Variants in CSMD1 observed in about 807,000 individuals in gnomAD.
The protein encoded by CSMD1 is CUB and sushi domain-containing protein 1.
A neutral mutation model predicts 417.5 loss-of-function variants in CSMD1; 213 were observed. That is an observed-to-expected ratio of 0.51 (90% CI 0.46 to 0.57). CSMD1 has a LOEUF of 0.57. CSMD1 is among the 20% of genes least tolerant of loss of function. The pLI is 0.00. For synonymous variants in CSMD1, 2,862 were observed against 1,736.8 expected (o/e 1.65, Z -16.11); for missense variants, 6,923 against 4,529.7 (o/e 1.53, Z -15.17).
chr8:4,290,494 A>G (rs1180691107), intron 3 of CSMD1, among the ~76,000 whole-genome samples: 2 of 152,164 alleles, frequency 1.3e-5, no homozygotes, highest in African/African-American at 4.8e-5. Context: ...CTTTCATAGC[A>G]TGAGAAAAAA....
intron 1 of CSMD1, among the ~76,000 whole-genome samples, chr8:4,931,898 C>CA (rs1379076043): frequency 6.6e-6 from 1 of 152,122 alleles, no homozygotes; most frequent in Admixed American, 6.6e-5. Flanking sequence ...GAGATATGTA[C>CA]TTTAGAAATG....
chr8:4,940,502 C>T (rs1005606362), intron 1 of CSMD1, among the ~76,000 whole-genome samples: 1 of 152,122 alleles, frequency 6.6e-6, no homozygotes, highest in African/African-American at 2.4e-5. Context: ...GTTTGCTAAC[C>T]TAGGCACTTG....
Position 3,210,873 on chromosome 8 carries a change from C to G in CSMD1, c.4867+3624G>C, listed in dbSNP as rs1797564047. ...AAATGCCTTTTGTATTATTAGTTAA[C>G]AAAAGTACAGAATTCATGACCTTTC... On this transcript the variant is annotated intron_variant, in intron 30 of 69. Coordinates refer to ENST00000635120, the MANE Select transcript of CSMD1 (RefSeq NM_033225.6). 2.0e-5 allele frequency among the ~76,000 whole-genome samples: 3 copies of G among 151,864 alleles called. 1 individual carries two copies. The South Asian group carries it at 6.2e-4, about 31-fold the overall frequency.
At chr8:4,485,901 T>C (rs1320262160) in intron 2 of CSMD1, among the ~76,000 whole-genome samples, 1 of 151,970 alleles carries the variant, frequency 6.6e-6, no homozygotes, top group Non-Finnish European at 1.5e-5. Flanking sequence ...AGAAGTGGAT[T>C]TCCTGGCAGC....
chr8:3,970,879 G>A (rs931288291), intron 5 of CSMD1, among the ~76,000 whole-genome samples: 1 of 152,072 alleles, frequency 6.6e-6, no homozygotes, highest in Admixed American at 6.5e-5. Context: ...AGCCTCCTGA[G>A]TAGCTGGGAT....
chr8:3,402,035 C>G (rs998901572), intron 15 of CSMD1, among the ~76,000 whole-genome samples: 1 of 151,924 alleles, frequency 6.6e-6, no homozygotes, highest in Admixed American at 6.6e-5. Context: ...CACACATACA[C>G]CCCTTCTTGA....
At chr8:4,329,665 C>A (rs544413369) in intron 3 of CSMD1, among the ~76,000 whole-genome samples, 1 of 152,184 alleles carries the variant, frequency 6.6e-6, no homozygotes, top group Admixed American at 6.5e-5. Context: ...TCTGTATCCC[C>A]ACCCAAATCT....
At chr8:3,600,729 C>A (rs368287014) in intron 8 of CSMD1, among the ~76,000 whole-genome samples, 1 of 152,174 alleles carries the variant, frequency 6.6e-6, no homozygotes, top group Non-Finnish European at 1.5e-5. Flanking sequence ...TCCAGGCACC[C>A]ACCTCTATCC....
intron 1 of CSMD1, among the ~76,000 whole-genome samples, chr8:4,948,755 T>C (rs1411632621): frequency 1.3e-5 from 2 of 152,114 alleles, no homozygotes; most frequent in East Asian, 1.9e-4. Flanking sequence ...GATAGTTTAG[T>C]TTCTTTCTTT....
chr8:4,106,821 C>G (rs1801592854), intron 3 of CSMD1, among the ~76,000 whole-genome samples: 1 of 152,164 alleles, frequency 6.6e-6, no homozygotes, highest in Non-Finnish European at 1.5e-5. Flanking sequence ...TCTACACCAG[C>G]ACACACTATC....
intron 37 of CSMD1, among the ~76,000 whole-genome samples, chr8:3,170,060 A>T (rs1247010076): frequency 6.6e-6 from 1 of 152,260 alleles, no homozygotes; most frequent in Non-Finnish European, 1.5e-5. Flanking sequence ...CGCGTTAGGC[A>T]TAAAAGCTTC....
intron 3 of CSMD1, among the ~76,000 whole-genome samples, chr8:4,323,955 G>T (rs1233051129): frequency 6.6e-6 from 1 of 152,126 alleles, no homozygotes; most frequent in Non-Finnish European, 1.5e-5. Flanking sequence ...AGACTACTGG[G>T]CTGTCAGTGC....
intron 3 of CSMD1, among the ~76,000 whole-genome samples, chr8:4,219,621 A>G (rs1315368745): frequency 2.0e-5 from 3 of 152,154 alleles, no homozygotes; most frequent in Non-Finnish European, 2.9e-5. Context: ...AAAACACTAT[A>G]TCACTTTAAG....
chr8:3,737,977 A>C (rs569510720), intron 6 of CSMD1, among the ~76,000 whole-genome samples: 1 of 152,336 alleles, frequency 6.6e-6, no homozygotes, highest in African/African-American at 2.4e-5. Context: ...TACTTGTAAT[A>C]AATTGCAGAA....
intron 2 of CSMD1, among the ~76,000 whole-genome samples, chr8:4,560,118 C>T (rs949047571): frequency 2.6e-5 from 4 of 152,232 alleles, no homozygotes; most frequent in South Asian, 2.1e-4. Context: ...TGACTGCACC[C>T]TCCAAGCTGC....
intron 2 of CSMD1, among the ~76,000 whole-genome samples, chr8:4,456,051 T>A (rs1799457083): frequency 1.0e-5 from 1 of 96,776 alleles, no homozygotes; most frequent in African/African-American, 4.2e-5. Flanking sequence ...TTCAATACTA[T>A]CATTGACCAA....
intron 7 of CSMD1, among the ~76,000 whole-genome samples, chr8:3,683,531 C>G (rs1356501533): frequency 6.6e-6 from 1 of 152,278 alleles, no homozygotes; most frequent in East Asian, 1.9e-4. Context: ...TATTTCTGCA[C>G]TGTGCCAAAA....
At chr8:4,442,405 T>A (rs1460231357) in intron 2 of CSMD1, among the ~76,000 whole-genome samples, 2 of 152,128 alleles carry the variant, frequency 1.3e-5, no homozygotes, top group Non-Finnish European at 1.5e-5. Context: ...ACGTTTCCAG[T>A]CCCCACTGTA....
At chr8:3,710,971 C>A (rs1345492314) in intron 6 of CSMD1, among the ~76,000 whole-genome samples, 1 of 152,142 alleles carries the variant, frequency 6.6e-6, no homozygotes, top group Non-Finnish European at 1.5e-5. Flanking sequence ...ATGCCGCCAG[C>A]TGTGCTTCTG....
Sources: gnomAD v4.1 joint callset for allele counts (sites outside exome capture counted in the v4.1 genomes callset) on GRCh38, gnomAD v4.1.1 for gene constraint, MANE v1.5 for transcripts, NCBI Gene and HGNC (gene_info 2026-07-23, HGNC 2026-07-21) for gene names.